GPHN: variants seen among roughly 807,000 people sequenced by gnomAD.
The protein encoded by GPHN is gephyrin.
GPHN carries 17 observed loss-of-function variants against 95.5 expected under a neutral mutation model. The ratio of observed to expected loss-of-function variants is 0.18; its 90% CI spans 0.12 to 0.27. The LOEUF (loss-of-function observed/expected upper bound fraction) is 0.27, where lower values mean the gene tolerates loss of function less well. GPHN is among the 10% of genes least tolerant of loss of function. GPHN has a pLI of 1.00. For missense variants in GPHN, 660 were observed against 978.1 expected (o/e 0.67, Z 4.34); for synonymous variants, 320 against 322.5 (o/e 0.99, Z 0.08).
intron 11 of GPHN, among the ~76,000 whole-genome samples, chr14:67,078,812 C>T (rs1052734059): frequency 6.6e-6 from 1 of 152,052 alleles, no homozygotes; most frequent in Non-Finnish European, 1.5e-5. Flanking sequence ...TATCTGCTGC[C>T]GACTGGGAGC....
At chr14:67,045,406 CTG>C (rs2074956022) in intron 10 of GPHN, among the ~76,000 whole-genome samples, 1 of 151,940 alleles carries the variant, frequency 6.6e-6, no homozygotes, top group African/African-American at 2.4e-5. Flanking sequence ...GTCTCTCTCT[CTG>C]TGTCTCTCTC....
At chr14:66,963,023 TTTG>T (rs1392453148) in intron 8 of GPHN, among the ~76,000 whole-genome samples, 1 of 151,990 alleles carries the variant, frequency 6.6e-6, no homozygotes, top group Non-Finnish European at 1.5e-5. Context: ...TTTGTTTTCT[TTTG>T]TTAACTTTTA....
the GPHN span, among the ~76,000 whole-genome samples, chr14:67,462,901 T>C: frequency 6.6e-6 from 1 of 152,128 alleles, no homozygotes; most frequent in Admixed American, 6.6e-5. Flanking sequence ...GGGAAAGGGG[T>C]CATTCTGCAA....
At chr14:67,450,407 A>AG in the GPHN span, among the ~76,000 whole-genome samples, 1 of 152,242 alleles carries the variant, frequency 6.6e-6, no homozygotes, top group African/African-American at 2.4e-5. Flanking sequence ...AGAAGAAGAC[A>AG]GAAAAATGAG....
chr14:67,230,543 G>C, the GPHN span, among the ~76,000 whole-genome samples: 2 of 152,184 alleles, frequency 1.3e-5, no homozygotes, highest in African/African-American at 2.4e-5. Flanking sequence ...CTGTACTGCA[G>C]CCTGGGTGAC....
At chr14:66,813,961 C>T (rs2060862716) in intron 3 of GPHN, among the ~76,000 whole-genome samples, 1 of 152,176 alleles carries the variant, frequency 6.6e-6, no homozygotes, top group Non-Finnish European at 1.5e-5. Context: ...TGGCCACGCA[C>T]CAGCCTGCAC....
At chr14:67,505,794 C>T in the GPHN span, among the ~76,000 whole-genome samples, 1 of 152,012 alleles carries the variant, frequency 6.6e-6, no homozygotes, top group African/African-American at 2.4e-5. Context: ...GCAACCTCTG[C>T]CTCCAGGGTT....
At chr14:67,450,975 C>T in the GPHN span, among the ~76,000 whole-genome samples, 8 of 152,216 alleles carry the variant, frequency 5.3e-5, no homozygotes, top group South Asian at 2.1e-4. Context: ...TAGGGTCCCC[C>T]GTGCTGTGTG....
the GPHN span, chr14:67,198,343 G>A: frequency 1.3e-6 from 2 of 1,595,526 alleles, no homozygotes; most frequent in Non-Finnish European, 1.7e-6. Context: ...CAAGGCCTGA[G>A]TTAAGTTCCA....
intron 12 of GPHN, 40 bp downstream of exon 12, chr14:67,089,115 A>ATTTTTTTTTTTTTTTTTTTT (rs371624615): frequency 1.9e-5 from 7 of 363,254 alleles, no homozygotes; most frequent in African/African-American, 5.6e-5. Context: ...CAGGCACTGT[A>ATTTTTTTTTTTTTTTTTTTT]TTTTTTTTTC....
At chr14:67,329,534 G>C in the GPHN span, among the ~76,000 whole-genome samples, 1 of 152,168 alleles carries the variant, frequency 6.6e-6, no homozygotes, top group African/African-American at 2.4e-5. Flanking sequence ...AGTGGTGAGA[G>C]AGGGCATCCC....
At chr14:67,441,876 T>TG in the GPHN span, 1 of 153,280 alleles carries the variant, frequency 6.5e-6, no homozygotes, top group South Asian at 2.1e-4. Flanking sequence ...ATCATGGGAC[T>TG]TCTCAGCCTT....
chr14:66,526,904 G>A (rs2058713846), intron 1 of GPHN, among the ~76,000 whole-genome samples: 1 of 152,122 alleles, frequency 6.6e-6, no homozygotes, highest in Non-Finnish European at 1.5e-5. Context: ...TTTTTGCACT[G>A]ATGTTCATCA....
At chr14:66,580,114 C>T (rs1386595176) in intron 1 of GPHN, among the ~76,000 whole-genome samples, 2 of 151,726 alleles carry the variant, frequency 1.3e-5, no homozygotes, top group Admixed American at 6.6e-5. Flanking sequence ...ACATGCTTCT[C>T]AATAATCAGT....
At chr14:67,321,374 G>C in the GPHN span, 1 of 934,836 alleles carries the variant, frequency 1.1e-6, no homozygotes, top group East Asian at 2.4e-5. Flanking sequence ...GTTCTCATAC[G>C]GTTTTTCCCA....
chr14:67,273,809 C>T, the GPHN span, among the ~76,000 whole-genome samples: 1 of 152,178 alleles, frequency 6.6e-6, no homozygotes, highest in Non-Finnish European at 1.5e-5. Flanking sequence ...TTAATGATCG[C>T]CATTCTAACT....
rs945274763 is a variant in GPHN, at chr14:66,760,785, A to G, written c.144-15679A>G. On this transcript the variant is annotated intron_variant, in intron 2 of 22. Coordinates refer to ENST00000478722, the MANE Select transcript of GPHN (RefSeq NM_020806.5). ...GAACCTATCAAATACAGAGAGAGCT[A>G]TGGAATAAAAGTATTGATGCAATGA... 8 of 492,380 alleles carry G rather than the reference A, an allele frequency of 1.6e-5. No homozygotes were observed. The Admixed American group carries it at 1.9e-4, about 12-fold the overall frequency. The allele number at this position is 492,380 out of a possible 1,614,324, so 30.5% of individuals were successfully genotyped here. A position where few individuals can be genotyped will look rare whatever the true frequency, so the allele number is the denominator to read the frequency against.
At chr14:67,732,417 G>A in the GPHN span, among the ~76,000 whole-genome samples, 5 of 120,410 alleles carry the variant, frequency 4.2e-5, no homozygotes, top group Non-Finnish European at 6.8e-5. Flanking sequence ...GTGATGAAGT[G>A]AGACCCTATC....
intron 2 of GPHN, among the ~76,000 whole-genome samples, chr14:66,689,078 AAAAG>A (rs1464575242): frequency 6.6e-6 from 1 of 152,194 alleles, no homozygotes; most frequent in Admixed American, 6.5e-5. Flanking sequence ...TAAAAAAAGA[AAAAG>A]AAAGTGGTAA....
Sources: allele counts gnomAD v4.1 joint callset (sites outside exome capture counted in the v4.1 genomes callset), GRCh38; gene constraint gnomAD v4.1.1; transcripts MANE v1.5; gene names NCBI Gene and HGNC (gene_info 2026-07-23, HGNC 2026-07-21).